The following SMAD5 variants were observed in gnomAD, a reference collection of about 807,000 sequenced individuals.
The protein encoded by SMAD5 is SMAD family member 5, also known as MAD, mothers against decapentaplegic homolog 5.
SMAD5 carries 9 observed loss-of-function variants against 43.1 expected under a neutral mutation model. That is an observed-to-expected ratio of 0.21 (90% CI 0.13 to 0.36). The LOEUF is 0.36. SMAD5 is among the 10% of genes least tolerant of loss of function. SMAD5 has a pLI of 1.00. For missense variants in SMAD5, 348 were observed against 574.0 expected (o/e 0.61, Z 4.02); for synonymous variants, 190 against 192.4 (o/e 0.99, Z 0.10).
chr5:136,172,463 A>G lies in SMAD5; in HGVS notation c.805A>G (p.Lys269Glu). 1.9e-6 allele frequency: 3 copies of G among 1,611,802 alleles called. No homozygotes were observed. Among genetic ancestry groups the G allele is most frequent in the Non-Finnish European group, 2.5e-6 (3 of 1,178,190 alleles). ...DVQPVAYEEP[K>E]HWCSIVYYEL... ...TCAGCCTGTTGCCTATGAAGAGCCT[A>G]AACATTGGTGTTCAATAGTCTACTA... Residue 269 changes from lysine (K) to glutamate (E), a missense_variant, in exon 6 of 8, where the codon AAA becomes GAA. By Grantham distance (56) the Lys-to-Glu change is moderately conservative. Transcript: ENST00000545279.
Position 136,180,636 on chromosome 5 carries a change from A to C in SMAD5, c.*3156A>C, listed in dbSNP as rs1230211086. 2 of 152,134 alleles carry C rather than the reference A, an allele frequency of 1.3e-5. No homozygotes were observed. Among genetic ancestry groups the C allele is most frequent in the Non-Finnish European group, 2.9e-5 (2 of 67,992 alleles). The allele number at this position is 152,134 out of a possible 1,614,324, so 9.4% of individuals were successfully genotyped here. ...AAACTAACCCTCTTTTTAAGAGGAGATTTAAGGAAGACGTCAATCAAAATG... is the reference window on the plus strand; with the variant it reads ...AAACTAACCCTCTTTTTAAGAGGAGCTTTAAGGAAGACGTCAATCAAAATG... On this transcript the variant is annotated 3_prime_UTR_variant, in exon 8 of 8. Transcript: ENST00000545279.
At position 136,177,724 on chromosome 5, in the gene SMAD5, A is replaced by C. The variant is rs1409608808; in HGVS notation, c.*244A>C. The C allele has an allele frequency of 2.6e-6, 1 of 381,520 alleles. No homozygotes were observed. The highest frequency in any genetic ancestry group is 4.7e-6 in the Non-Finnish European group (1 of 214,806). 23.6% of individuals were successfully genotyped at this position (381,520 alleles called of 1,614,324 possible). A position where few individuals can be genotyped will look rare whatever the true frequency, so the allele number is the denominator to read the frequency against. On this transcript the variant is annotated 3_prime_UTR_variant, in exon 8 of 8. Coordinates refer to ENST00000545279, the MANE Select transcript of SMAD5 (RefSeq NM_005903.7). ...GTAAGTATTATGCCCCAGTTCAGAA[A>C]TTTGGCATTGATCTTAAACTGGAAC...
At chr5:136,143,559 C>T (rs1753161332) in intron 1 of SMAD5, among the ~76,000 whole-genome samples, 1 of 152,014 alleles carries the variant, frequency 6.6e-6, no homozygotes, top group Non-Finnish European at 1.5e-5. Context: ...CACAGTCAGA[C>T]TAGCTGATTG....
chr5:136,165,686 T>A (rs1753981593), intron 5 of SMAD5, among the ~76,000 whole-genome samples: 1 of 142,712 alleles, frequency 7.0e-6, no homozygotes, highest in African/African-American at 2.6e-5. Flanking sequence ...TTTTTTTTTT[T>A]TTTTTTTTTT....
Position 136,179,338 on chromosome 5 carries a change from G to T in SMAD5, c.*1858G>T, listed in dbSNP as rs1386007553. ...AGAAATTATTTTGGAAAAAAAAAAT[G>T]ACCTAATTTACCTATCAGTGAAAGC... On this transcript the variant is annotated 3_prime_UTR_variant, in exon 8 of 8. Transcript: ENST00000545279. 1 of 152,336 alleles carries T rather than the reference G, an allele frequency of 6.6e-6. No individual in the cohort carries two copies. The highest frequency in any genetic ancestry group is 1.5e-5 in the Non-Finnish European group (1 of 67,980). The allele number at this position is 152,336 out of a possible 1,614,324, so 9.4% of individuals were successfully genotyped here. A position where few individuals can be genotyped will look rare whatever the true frequency, so the allele number is the denominator to read the frequency against.
chr5:136,160,157 A>T (rs1158267300), intron 3 of SMAD5, among the ~76,000 whole-genome samples: 1 of 152,210 alleles, frequency 6.6e-6, no homozygotes, highest in African/African-American at 2.4e-5. Flanking sequence ...GTATATTTTC[A>T]TTATGGTCAT....
chr5:136,163,428 T>C, intron 5 of SMAD5, 37 bp downstream of exon 5: 1 of 1,513,828 alleles, frequency 6.6e-7, no homozygotes, highest in Non-Finnish European at 8.9e-7. Context: ...TTTATAGTAG[T>C]AGTTGTTTTT....
rs951863660 is a variant in SMAD5 at position 136,177,589 on chromosome 5, T to G, written c.*109T>G. The G allele has an allele frequency of 4.7e-5, 37 of 786,126 alleles. No individual in the cohort carries two copies. The highest frequency in any genetic ancestry group is 6.0e-6 in the Non-Finnish European group (3 of 502,692). 48.7% of individuals were successfully genotyped at this position (786,126 alleles called of 1,614,324 possible). A position where few individuals can be genotyped will look rare whatever the true frequency, so the allele number is the denominator to read the frequency against. On this transcript the variant is annotated 3_prime_UTR_variant, in exon 8 of 8. Coordinates refer to ENST00000545279, the MANE Select transcript of SMAD5 (RefSeq NM_005903.7). ...CATTGAAAACAGATATTACAGCTTATTTTTTTCTACATAATTGTGACCAAT... is the reference window on the plus strand; with the variant it reads ...CATTGAAAACAGATATTACAGCTTAGTTTTTTCTACATAATTGTGACCAAT...
chr5:136,173,036 G>T (rs191692599), intron 6 of SMAD5, among the ~76,000 whole-genome samples: 1 of 152,252 alleles, frequency 6.6e-6, no homozygotes, highest in East Asian at 1.9e-4. Flanking sequence ...GCTGGTGAAG[G>T]ATTAGAATTT....
intron 3 of SMAD5, 69 bp from the exon 4 acceptor site, chr5:136,160,787 A>G (rs1169663328): frequency 6.7e-7 from 1 of 1,492,926 alleles, no homozygotes; most frequent in Non-Finnish European, 9.3e-7. Flanking sequence ...CTTTCTACCA[A>G]CCCCTTAGTG....
At chr5:136,171,290 AG>A (rs1300949059) in intron 5 of SMAD5, among the ~76,000 whole-genome samples, 2 of 152,222 alleles carry the variant, frequency 1.3e-5, no homozygotes, top group African/African-American at 4.8e-5. Flanking sequence ...TACTGATTAT[AG>A]TTAAATCCTT....
chr5:136,136,702 C>T (rs1443417801), intron 1 of SMAD5, among the ~76,000 whole-genome samples: 1 of 152,090 alleles, frequency 6.6e-6, no homozygotes, highest in African/African-American at 2.4e-5. Context: ...TCAGCTAGTT[C>T]TGGGCTATTT....
intron 5 of SMAD5, among the ~76,000 whole-genome samples, chr5:136,164,261 T>C (rs1753921395): frequency 6.6e-6 from 1 of 152,190 alleles, no homozygotes; most frequent in South Asian, 2.1e-4. Flanking sequence ...CTTGGATAGA[T>C]ATCTAGGAGT....
At chr5:136,166,333 G>A (rs532300416) in intron 5 of SMAD5, among the ~76,000 whole-genome samples, 5 of 151,918 alleles carry the variant, frequency 3.3e-5, no homozygotes, top group Admixed American at 2.6e-4. Flanking sequence ...GTTTTTATGT[G>A]TTTTCTATGT....
intron 3 of SMAD5, among the ~76,000 whole-genome samples, chr5:136,160,216 C>T (rs1455394715): frequency 2.0e-5 from 3 of 152,088 alleles, no homozygotes; most frequent in African/African-American, 7.2e-5. Flanking sequence ...GAGAATATTA[C>T]CATATTCAAT....
At position 136,163,607 on chromosome 5, in the gene SMAD5, G is replaced by A. The variant is rs145111191; in HGVS notation, c.775+216G>A. 6.3e-3 allele frequency among the ~76,000 whole-genome samples: 964 copies of A among 152,218 alleles called. 3 individuals carry two copies. The highest frequency in any genetic ancestry group is 8.7e-3 in the Non-Finnish European group (591 of 68,012). On this transcript the variant is annotated intron_variant, in intron 5 of 7. Coordinates refer to ENST00000545279, the MANE Select transcript of SMAD5 (RefSeq NM_005903.7). ...TAACTCTTTAAAAAGGTTTCTCTGCGTATTTGCAGTCTATCCTCACTCCTA... is the reference window on the plus strand; with the variant it reads ...TAACTCTTTAAAAAGGTTTCTCTGCATATTTGCAGTCTATCCTCACTCCTA...
intron 1 of SMAD5, chr5:136,134,101 G>A (rs920637926): frequency 1.3e-5 from 2 of 151,920 alleles, no homozygotes; most frequent in Non-Finnish European, 2.9e-5. Flanking sequence ...ATTTAAATGG[G>A]TGTGGCGCTA....
chr5:136,139,372 A>G (rs997052268), intron 1 of SMAD5, among the ~76,000 whole-genome samples: 1 of 152,174 alleles, frequency 6.6e-6, no homozygotes, highest in Non-Finnish European at 1.5e-5. Context: ...TAATGTGTAT[A>G]AAACTTAACC....
At chr5:136,158,386 G>A (rs552532287) in intron 3 of SMAD5, among the ~76,000 whole-genome samples, 6 of 152,254 alleles carry the variant, frequency 3.9e-5, no homozygotes, top group African/African-American at 9.6e-5. Flanking sequence ...AAGTAGTGCT[G>A]TCAAAATTCA....
Sources: gnomAD v4.1 joint callset for allele counts (sites outside exome capture counted in the v4.1 genomes callset) on GRCh38, gnomAD v4.1.1 for gene constraint, MANE v1.5 for transcripts, NCBI Gene and HGNC (gene_info 2026-07-23, HGNC 2026-07-21) for gene names.